ASPH: variants seen among roughly 807,000 people sequenced by gnomAD.
ASPH encodes the protein aspartate beta-hydroxylase.
Under a neutral mutation model 118.4 loss-of-function variants are expected in ASPH, and 100 were observed. The ratio of observed to expected loss-of-function variants is 0.84; its 90% CI spans 0.72 to 1.00. The LOEUF (loss-of-function observed/expected upper bound fraction) is 1.00. Among genes scored for constraint, ASPH ranks in the 50% least tolerant of loss-of-function variants. The pLI is 0.00. For synonymous variants in ASPH, 315 were observed against 325.6 expected (o/e 0.97, Z 0.35); for missense variants, 920 against 919.5 (o/e 1.00, Z -0.01).
At chr8:61,560,519 C>T (rs1314888886) in intron 18 of ASPH, among the ~76,000 whole-genome samples, 2 of 151,800 alleles carry the variant, frequency 1.3e-5, no homozygotes, top group East Asian at 1.9e-4. Context: ...ATGAAAGAGA[C>T]TCCATTAGAT....
chr8:61,603,021 C>T (rs932879519), intron 14 of ASPH, among the ~76,000 whole-genome samples: 2 of 151,474 alleles, frequency 1.3e-5, no homozygotes, highest in African/African-American at 4.8e-5. Context: ...GGTGAAACCC[C>T]ATTTCTACTA....
At chr8:61,705,406 T>TA (rs1197745123) in intron 1 of ASPH, among the ~76,000 whole-genome samples, 5 of 151,656 alleles carry the variant, frequency 3.3e-5, no homozygotes, top group Non-Finnish European at 5.9e-5. Flanking sequence ...AATAAAAGCT[T>TA]AAAAAAAATT....
intron 13 of ASPH, among the ~76,000 whole-genome samples, chr8:61,621,362 A>T (rs1430122721): frequency 6.6e-6 from 1 of 150,750 alleles, no homozygotes; most frequent in African/African-American, 2.4e-5. Flanking sequence ...AAAAGAAAAT[A>T]CACAGAGAAT....
At chr8:61,640,385 G>T (rs564807165) in intron 10 of ASPH, among the ~76,000 whole-genome samples, 1 of 152,284 alleles carries the variant, frequency 6.6e-6, no homozygotes, top group South Asian at 2.1e-4. Context: ...CCTTGATCTT[G>T]CTCACAGGCA....
chr8:61,540,670 A>G (rs10094667), intron 21 of ASPH, among the ~76,000 whole-genome samples: 1 of 152,072 alleles, frequency 6.6e-6, no homozygotes, highest in Non-Finnish European at 1.5e-5. Context: ...CATAATTTCA[A>G]GGGCATACAG....
At chr8:61,682,624 C>T (rs1197558260) in intron 2 of ASPH, 21 of 743,918 alleles carry the variant, frequency 2.8e-5, no homozygotes, top group Admixed American at 1.2e-4. Flanking sequence ...AATTTGTCTC[C>T]AGACTAAAAT....
At chr8:61,646,935 T>G in intron 5 of ASPH, 57 bp from the exon 6 acceptor site, 1 of 1,606,864 alleles carries the variant, frequency 6.2e-7, no homozygotes, top group Non-Finnish European at 8.5e-7. Flanking sequence ...GAAAGCCCCT[T>G]GTGAAGGGCT....
intron 13 of ASPH, chr8:61,624,690 CA>C: frequency 1.0e-6 from 1 of 985,416 alleles, no homozygotes; most frequent in South Asian, 4.7e-5. Context: ...TAAAGTTAAC[CA>C]CAGCATAATG....
intron 22 of ASPH, among the ~76,000 whole-genome samples, chr8:61,523,448 TGGA>T (rs2129622366): frequency 1.3e-5 from 2 of 151,912 alleles, no homozygotes; most frequent in African/African-American, 4.8e-5. Flanking sequence ...CCCGAGTAGC[TGGA>T]ATTACAGGCA....
intron 22 of ASPH, among the ~76,000 whole-genome samples, chr8:61,523,048 C>T (rs1054016750): frequency 2.6e-5 from 4 of 152,178 alleles, no homozygotes; most frequent in East Asian, 1.9e-4. Flanking sequence ...CTTAGGCATT[C>T]GACTACCCAG....
At chr8:61,578,639 C>T (rs931826222) in intron 15 of ASPH, 22 of 1,574,122 alleles carry the variant, frequency 1.4e-5, no homozygotes, top group Admixed American at 1.0e-4. Flanking sequence ...ACAACATGTT[C>T]GAGAGCTACA....
chr8:61,643,887 G>A (rs990656225), intron 8 of ASPH, 58 bp downstream of exon 8: 67 of 1,333,938 alleles, frequency 5.0e-5, no homozygotes, highest in East Asian at 4.4e-4. Context: ...GGAATAAAAC[G>A]GCCTTGGCCA....
chr8:61,691,242 G>A (rs1832562132), intron 1 of ASPH, among the ~76,000 whole-genome samples: 1 of 152,154 alleles, frequency 6.6e-6, no homozygotes, highest in East Asian at 1.9e-4. Context: ...ACTATTGAAT[G>A]CATGGTAAGA....
intron 14 of ASPH, among the ~76,000 whole-genome samples, chr8:61,607,585 A>T (rs1845970195): frequency 6.6e-6 from 1 of 152,016 alleles, no homozygotes; most frequent in Admixed American, 6.6e-5. Flanking sequence ...TTATGCCCTC[A>T]GTAATGTTTT....
chr8:61,680,803 G>A, intron 3 of ASPH, 165 bp downstream of exon 3: 1 of 467,254 alleles, frequency 2.1e-6, no homozygotes, highest in Non-Finnish European at 3.8e-6. Flanking sequence ...ATGAAAGAGT[G>A]TGGAAAAATA....
intron 16 of ASPH, among the ~76,000 whole-genome samples, chr8:61,573,489 C>T (rs772192060): frequency 6.8e-4 from 104 of 152,298 alleles, no homozygotes; most frequent in South Asian, 1.2e-3. Flanking sequence ...GTAACCAAAA[C>T]AGCATTGTAC....
chr8:61,601,781 A>G (rs1218688819), intron 14 of ASPH, among the ~76,000 whole-genome samples: 1 of 151,378 alleles, frequency 6.6e-6, no homozygotes, highest in Non-Finnish European at 1.5e-5. Context: ...AATAGCCAAC[A>G]TCATGAATGA....
intron 5 of ASPH, among the ~76,000 whole-genome samples, chr8:61,647,196 T>G (rs532670098): frequency 1.6e-4 from 24 of 152,182 alleles, no homozygotes; most frequent in Admixed American, 6.5e-5. Context: ...CAATAAATAT[T>G]TGATGAATGA....
rs1190308587 is a variant in ASPH at position 61,524,207 on chromosome 8, T to C, written c.1900+1770A>G. On this transcript the variant is annotated intron_variant, in intron 22 of 24. Coordinates refer to ENST00000379454, the MANE Select transcript of ASPH (RefSeq NM_004318.4). ...CCAGGGCAGAAATGCAGTCTTTTTT[T>C]GAAAATAACTCAGGTAAAAATACCA... Among the ~76,000 whole-genome samples, 13 of 152,216 alleles carry C rather than the reference T, an allele frequency of 8.5e-5. 1 individual carries two copies. Among genetic ancestry groups the C allele is most frequent in the Non-Finnish European group, 1.9e-4 (13 of 68,040 alleles).
Sources: gnomAD v4.1 joint callset for allele counts (sites outside exome capture counted in the v4.1 genomes callset) on GRCh38, gnomAD v4.1.1 for gene constraint, MANE v1.5 for transcripts, NCBI Gene and HGNC (gene_info 2026-07-23, HGNC 2026-07-21) for gene names.